SHISA9: variants seen among roughly 807,000 people sequenced by gnomAD.
SHISA9 encodes protein shisa-9.
In SHISA9, 13 loss-of-function variants were observed where a neutral mutation model predicts 38.0. That is an observed-to-expected ratio of 0.34 (90% confidence interval 0.22 to 0.54). The LOEUF (loss-of-function observed/expected upper bound fraction) is 0.54, where lower values mean the gene tolerates loss of function less well. Ranked by LOEUF, SHISA9 falls within the 20% of genes least tolerant of loss-of-function variation. The probability of loss-of-function intolerance (pLI) is 0.91; values close to 1 mark genes in which losing one functional copy is unlikely to be tolerated. For synonymous variants in SHISA9, 275 were observed against 242.0 expected, an observed-to-expected ratio of 1.14 and a Z score of -1.27; for missense variants, 538 against 575.8, an observed-to-expected ratio of 0.93 and a Z score of 0.67.
At chr16:13,385,444 T>C in the SHISA9 span, among the ~76,000 whole-genome samples, 1 of 151,518 alleles carries the variant, frequency 6.6e-6, no homozygotes, top group Non-Finnish European at 1.5e-5. Context: ...ATCCATACCA[T>C]GAAATAGTAC....
chr16:13,498,817 T>C, the SHISA9 span, among the ~76,000 whole-genome samples: 3 of 152,262 alleles, frequency 2.0e-5, no homozygotes, highest in Admixed American at 2.0e-4. Flanking sequence ...ATGTCCAATG[T>C]AGTAAGATGG....
At chr16:13,120,695 C>CGAGCTGT (rs1172785212) in intron 2 of SHISA9, among the ~76,000 whole-genome samples, 1 of 152,050 alleles carries the variant, frequency 6.6e-6, no homozygotes, top group Non-Finnish European at 1.5e-5. Flanking sequence ...CAGGATGCCC[C>CGAGCTGT]GAGCTGTGGG....
chr16:13,212,654 T>A (rs915087807), intron 3 of SHISA9, among the ~76,000 whole-genome samples: 1 of 152,192 alleles, frequency 6.6e-6, no homozygotes, highest in African/African-American at 2.4e-5. Context: ...GTGGATAAAA[T>A]TGAATGCATT....
intron 2 of SHISA9, among the ~76,000 whole-genome samples, chr16:13,048,699 G>A (rs752109938): frequency 1.3e-5 from 2 of 152,200 alleles, no homozygotes; most frequent in Non-Finnish European, 1.5e-5. Context: ...TGGGATTACA[G>A]GCATGAGCCA....
At chr16:13,482,859 C>T in the SHISA9 span, among the ~76,000 whole-genome samples, 3 of 150,240 alleles carry the variant, frequency 2.0e-5, no homozygotes, top group African/African-American at 7.3e-5. Context: ...TCAGTAGGAG[C>T]AGATCCTCCA....
At chr16:13,306,211 A>T in the SHISA9 span, among the ~76,000 whole-genome samples, 1 of 152,356 alleles carries the variant, frequency 6.6e-6, no homozygotes, top group African/African-American at 2.4e-5. Context: ...AAATGGGGTT[A>T]TCATAATTTG....
chr16:13,131,562 T>C (rs1220882245), intron 2 of SHISA9, among the ~76,000 whole-genome samples: 1 of 152,078 alleles, frequency 6.6e-6, no homozygotes, highest in Non-Finnish European at 1.5e-5. Context: ...CAAACCACCA[T>C]GACACATGTT....
At chr16:13,091,917 G>C (rs1337524489) in intron 2 of SHISA9, among the ~76,000 whole-genome samples, 1 of 152,166 alleles carries the variant, frequency 6.6e-6, no homozygotes, top group African/African-American at 2.4e-5. Flanking sequence ...TTCTGCTCTG[G>C]TTTCTCCCCA....
intron 2 of SHISA9, among the ~76,000 whole-genome samples, chr16:13,045,837 C>G (rs2073182007): frequency 6.6e-6 from 1 of 152,142 alleles, no homozygotes; most frequent in South Asian, 2.1e-4. Context: ...CAGCTTGGCT[C>G]TCCTGATAAG....
chr16:13,441,001 C>G, the SHISA9 span, among the ~76,000 whole-genome samples: 5 of 151,912 alleles, frequency 3.3e-5, no homozygotes, highest in Non-Finnish European at 5.9e-5. Flanking sequence ...ATTAATCCAA[C>G]TCACATGGCA....
chr16:13,148,339 CACACCCCTGCAA>C (rs1334031770), intron 2 of SHISA9, among the ~76,000 whole-genome samples: 1 of 152,108 alleles, frequency 6.6e-6, no homozygotes, highest in Non-Finnish European at 1.5e-5. Context: ...ACACTCTTTA[CACACCCCTGCAA>C]ACACATCCAC....
chr16:13,244,914 A>G (rs1417893169), downstream of SHISA9, among the ~76,000 whole-genome samples: 1 of 152,196 alleles, frequency 6.6e-6, no homozygotes, highest in African/African-American at 2.4e-5. Flanking sequence ...TTCTTTGCCT[A>G]CATTTATTTA....
intron 2 of SHISA9, among the ~76,000 whole-genome samples, chr16:13,045,562 G>A (rs1417225713): frequency 2.0e-5 from 3 of 149,866 alleles, no homozygotes; most frequent in Non-Finnish European, 4.4e-5. Flanking sequence ...AATGGTACAC[G>A]GTAAATCTCC....
intron 2 of SHISA9, among the ~76,000 whole-genome samples, chr16:12,967,356 C>G (rs912365635): frequency 1.1e-4 from 16 of 151,808 alleles, no homozygotes; most frequent in African/African-American, 3.6e-4. Context: ...GGGAACTGAA[C>G]AATGAGAACA....
the SHISA9 span, among the ~76,000 whole-genome samples, chr16:13,451,819 G>A: frequency 3.7e-4 from 57 of 152,334 alleles, no homozygotes; most frequent in Admixed American, 7.8e-4. Flanking sequence ...GCAAGTCGCC[G>A]ATGTGATTTA....
intron 2 of SHISA9, among the ~76,000 whole-genome samples, chr16:13,028,533 C>T (rs1158319847): frequency 7.2e-5 from 11 of 152,090 alleles, no homozygotes; most frequent in Admixed American, 6.6e-5. Context: ...CATCAGATCT[C>T]GTGAGACTTA....
chr16:12,970,321 A>G, intron 2 of SHISA9, among the ~76,000 whole-genome samples: 1 of 75,442 alleles, frequency 1.3e-5, no homozygotes, highest in East Asian at 3.3e-4. Flanking sequence ...CTAGGGGTAT[A>G]TATACATATA....
chr16:13,487,949 G>T, the SHISA9 span, among the ~76,000 whole-genome samples: 3 of 152,142 alleles, frequency 2.0e-5, no homozygotes, highest in African/African-American at 2.4e-5. Flanking sequence ...TCAGAAAGGA[G>T]AATCTCTTTT....
intron 2 of SHISA9, among the ~76,000 whole-genome samples, chr16:13,092,423 C>T (rs926045793): frequency 6.6e-5 from 10 of 152,208 alleles, no homozygotes; most frequent in African/African-American, 2.4e-4. Flanking sequence ...ATGCCCTGCC[C>T]ACAGAGGTGG....
Sources: allele counts gnomAD v4.1 joint callset (sites outside exome capture counted in the v4.1 genomes callset), GRCh38; gene constraint gnomAD v4.1.1; transcripts MANE v1.5; gene names NCBI Gene and HGNC (gene_info 2026-07-23, HGNC 2026-07-21).